Variants in BLACAT1 observed in about 807,000 individuals in gnomAD.
BLACAT1 encodes the protein BLACAT1 overlapping LEMD1 locus.
At chr1:205,453,123 G>T (rs1666517922) in intron 1 of BLACAT1, among the ~76,000 whole-genome samples, 1 of 152,126 alleles carries the variant, frequency 6.6e-6, no homozygotes, top group South Asian at 2.1e-4. Flanking sequence ...GAGCCTCAGG[G>T]GATCTGATTC....
At chr1:205,455,161 C>G (rs925484043) in intron 1 of BLACAT1, among the ~76,000 whole-genome samples, 5 of 152,156 alleles carry the variant, frequency 3.3e-5, no homozygotes, top group Admixed American at 6.5e-5. Flanking sequence ...AGAGCTCCTC[C>G]TCCAGGTGGG....
At chr1:205,455,750 T>A (rs1409763036) in intron 1 of BLACAT1, among the ~76,000 whole-genome samples, 167 bp downstream of exon 1, 1 of 151,914 alleles carries the variant, frequency 6.6e-6, no homozygotes, top group Non-Finnish European at 1.5e-5. Context: ...AGCTTTCAGG[T>A]GAGTGCCTGA....
At chr1:205,442,356 G>A (rs1236030771) in intron 1 of BLACAT1, among the ~76,000 whole-genome samples, 1 of 152,244 alleles carries the variant, frequency 6.6e-6, no homozygotes, top group Non-Finnish European at 1.5e-5. Flanking sequence ...GGTTACCCCA[G>A]CAAGGCACAT....
chr1:205,443,651 T>C (rs1188662779), intron 1 of BLACAT1, among the ~76,000 whole-genome samples: 1 of 152,164 alleles, frequency 6.6e-6, no homozygotes, highest in Non-Finnish European at 1.5e-5. Flanking sequence ...TCTGCTCAGA[T>C]CTTTGCTCTA....
At position 205,450,897 on chromosome 1, in the gene BLACAT1, C is replaced by T. The variant is rs369367360; in HGVS notation, c.-37+5020G>A. ...CCTCACCTCCTTTCCCGAGGAAAAC[C>T]CTGCTTCCTCCAATCCCGAGAACCT... On this transcript the variant is annotated intron_variant, in intron 1 of 1. Coordinates refer to ENST00000629624, the Ensembl canonical transcript of BLACAT1. This position sits in a 1 kb window ranked among gnomAD's most constrained non-coding sequence, Gnocchi z 4.4. Among the ~76,000 whole-genome samples, 1 of 152,152 alleles carries T rather than the reference C, an allele frequency of 6.6e-6. No individual in the cohort carries two copies. Among genetic ancestry groups the T allele is most frequent in the African/African-American group, 2.4e-5 (1 of 41,424 alleles).
rs1666369813 is a variant in BLACAT1 at position 205,445,343 on chromosome 1, G to C, written c.-36-4281C>G. Among the ~76,000 whole-genome samples, 3 of 152,190 alleles carry C rather than the reference G, an allele frequency of 2.0e-5. No individual in the cohort carries two copies. In the South Asian group the frequency reaches 6.2e-4, roughly 32 times the overall value. ...TGGTGGCACAAACTACAGATCCCAG[G>C]ACTTCTTCCCGGAGTTGGCACCAGC... On this transcript the variant is annotated intron_variant, in intron 1 of 1. Coordinates refer to ENST00000629624, the Ensembl canonical transcript of BLACAT1.
downstream of BLACAT1, among the ~76,000 whole-genome samples, chr1:205,438,176 G>A (rs540986095): frequency 1.3e-5 from 2 of 152,274 alleles, no homozygotes; most frequent in South Asian, 4.1e-4. Flanking sequence ...AATGGCCATG[G>A]GAAGTCCTCG....
At position 205,450,100 on chromosome 1, in the gene BLACAT1, C is replaced by T. The variant is rs1468204266; in HGVS notation, c.-37+5817G>A. Among the ~76,000 whole-genome samples the T allele has an allele frequency of 2.6e-5, 4 of 151,996 alleles. No homozygotes were observed. The highest frequency in any genetic ancestry group is 4.4e-5 in the Non-Finnish European group (3 of 67,956). ...CCGGCCCCTCCCCCAGCCCTGAGGA[C>T]GGTGGGGGTGGGGGTGGGGGCGGGC... On this transcript the variant is annotated intron_variant, in intron 1 of 1. Coordinates refer to ENST00000629624, the Ensembl canonical transcript of BLACAT1. This position sits in a 1 kb window ranked among gnomAD's most constrained non-coding sequence, Gnocchi z 4.4.
intron 1 of BLACAT1, among the ~76,000 whole-genome samples, chr1:205,442,037 C>T (rs1666304036): frequency 6.6e-6 from 1 of 152,194 alleles, no homozygotes; most frequent in Non-Finnish European, 1.5e-5. Context: ...GCAGATTTTT[C>T]CAGTTCACCT....
intron 1 of BLACAT1, among the ~76,000 whole-genome samples, chr1:205,444,360 G>C (rs943156567): frequency 6.6e-6 from 1 of 151,944 alleles, no homozygotes; most frequent in Non-Finnish European, 1.5e-5. Context: ...ACGGTCTGGG[G>C]GCACAGACGA....
downstream of BLACAT1, among the ~76,000 whole-genome samples, chr1:205,439,109 A>C (rs2102462448): frequency 6.6e-6 from 1 of 152,248 alleles, no homozygotes; most frequent in Middle Eastern, 3.4e-3. Flanking sequence ...GCCCTCCAGG[A>C]GGCTCTCTGG....
rs1666447881 is a variant in BLACAT1 at position 205,448,843 on chromosome 1, G to C, written c.-37+7074C>G. Reference sequence around the variant, plus strand: ...TTAACTCTTTCTAGTCCAGCCACTGGAAGCACAGAGGGCAAAGGAGGGTCT... The same window carrying C: ...TTAACTCTTTCTAGTCCAGCCACTGCAAGCACAGAGGGCAAAGGAGGGTCT... On this transcript the variant is annotated intron_variant, in intron 1 of 1. Transcript: ENST00000629624. This position sits in a 1 kb window ranked among gnomAD's most constrained non-coding sequence, Gnocchi z 4.7. Among the ~76,000 whole-genome samples the C allele has an allele frequency of 6.6e-6, 1 of 152,172 alleles. No homozygotes were observed. The highest frequency in any genetic ancestry group is 2.4e-5 in the African/African-American group (1 of 41,446).
chr1:205,440,912 G>C (rs1306965186), exon 2 of BLACAT1: 1 of 152,246 alleles, frequency 6.6e-6, no homozygotes, highest in Non-Finnish European at 1.5e-5. Flanking sequence ...TGATGGAGGG[G>C]CCCTGGTTCT....
rs1313192115 is a variant in BLACAT1, at chr1:205,448,888, T to G, written c.-37+7029A>C. ...GGGTCTGGGTAAAGGAGGGCAGCGATGAGGACCTACCCTTTGTTTAGAGGG... is the reference window on the plus strand; with the variant it reads ...GGGTCTGGGTAAAGGAGGGCAGCGAGGAGGACCTACCCTTTGTTTAGAGGG... On this transcript the variant is annotated intron_variant, in intron 1 of 1. Transcript: ENST00000629624. This position sits in a 1 kb window ranked among gnomAD's most constrained non-coding sequence, Gnocchi z 4.7. Among the ~76,000 whole-genome samples the G allele has an allele frequency of 1.3e-5, 2 of 152,124 alleles. No homozygotes were observed. Among genetic ancestry groups the G allele is most frequent in the Non-Finnish European group, 1.5e-5 (1 of 68,008 alleles).
intron 1 of BLACAT1, among the ~76,000 whole-genome samples, chr1:205,454,374 TG>T (rs1351908294): frequency 6.8e-6 from 1 of 146,426 alleles, no homozygotes; most frequent in Non-Finnish European, 1.5e-5. Context: ...GCCTTTAGGA[TG>T]GTAGTCCCCA....
exon 2 of BLACAT1, chr1:205,440,457 C>T (rs572754605): frequency 2.0e-5 from 3 of 152,338 alleles, no homozygotes; most frequent in South Asian, 2.1e-4. Context: ...CTCACACTTC[C>T]GCCCTGGAGG....
chr1:205,438,266 A>C (rs991835043), downstream of BLACAT1, among the ~76,000 whole-genome samples: 2 of 152,112 alleles, frequency 1.3e-5, no homozygotes, highest in African/African-American at 4.8e-5. Context: ...AAGAGGCCTG[A>C]TCTCCTCCAC....
chr1:205,443,158 A>G (rs985917376), intron 1 of BLACAT1, among the ~76,000 whole-genome samples: 2 of 152,144 alleles, frequency 1.3e-5, no homozygotes, highest in African/African-American at 4.8e-5. Flanking sequence ...ATGATTATTG[A>G]AAAATACATG....
chr1:205,442,993 T>C lies in BLACAT1; in HGVS notation c.-36-1931A>G, dbSNP rs148988406. Among the ~76,000 whole-genome samples, 1,339 of 152,264 alleles carry C rather than the reference T, an allele frequency of 8.8e-3. 11 individuals carry two copies. Among genetic ancestry groups the C allele is most frequent in the Non-Finnish European group, 0.014 (979 of 68,020 alleles). ...GTGTACCAGGAGATTAGGCAAGATTTAACACTAAGACCCCAAACCTAAGGG... is the reference window on the plus strand; with the variant it reads ...GTGTACCAGGAGATTAGGCAAGATTCAACACTAAGACCCCAAACCTAAGGG... On this transcript the variant is annotated intron_variant, in intron 1 of 1. Transcript: ENST00000629624.
Sources: gnomAD v4.1 joint callset for allele counts (sites outside exome capture counted in the v4.1 genomes callset) on GRCh38, gnomAD v4.1.1 for gene constraint, Gnocchi (gnomAD v3.1) non-coding constraint, MANE v1.5 for transcripts, NCBI Gene and HGNC (gene_info 2026-07-23, HGNC 2026-07-21) for gene names.